ANKRD44: variants seen among roughly 807,000 people sequenced by gnomAD.
ANKRD44 encodes the protein serine/threonine-protein phosphatase 6 regulatory ankyrin repeat subunit B.
Under a neutral mutation model 116.0 loss-of-function variants are expected in ANKRD44, and 35 were observed. The observed-to-expected ratio is 0.30, with a 90% confidence interval of 0.23 to 0.40. ANKRD44 has a LOEUF of 0.40. ANKRD44 is among the 10% of genes least tolerant of loss of function. The pLI is 1.00. For synonymous variants in ANKRD44, 435 were observed against 461.8 expected (o/e 0.94, Z 0.74); for missense variants, 1,014 against 1,242.6 (o/e 0.82, Z 2.77).
At chr2:197,067,960 C>G (rs1259113762) in intron 16 of ANKRD44, among the ~76,000 whole-genome samples, 2 of 151,464 alleles carry the variant, frequency 1.3e-5, no homozygotes. Flanking sequence ...TGGAACCAAC[C>G]CAAATGTCCG....
intron 16 of ANKRD44, among the ~76,000 whole-genome samples, chr2:197,026,249 C>T (rs889053985): frequency 2.6e-5 from 4 of 152,192 alleles, no homozygotes; most frequent in African/African-American, 9.7e-5. Flanking sequence ...TATCAAAAAT[C>T]TGTTTTCCTA....
At chr2:197,051,923 T>G (rs1006803599) in intron 16 of ANKRD44, among the ~76,000 whole-genome samples, 2 of 152,168 alleles carry the variant, frequency 1.3e-5, no homozygotes, top group Non-Finnish European at 2.9e-5. Flanking sequence ...GTTCAAGATG[T>G]TAATAGTACC....
intron 17 of ANKRD44, among the ~76,000 whole-genome samples, chr2:197,014,532 A>T (rs1381698036): frequency 6.6e-6 from 1 of 152,124 alleles, no homozygotes; most frequent in East Asian, 1.9e-4. Flanking sequence ...TCACACCTAT[A>T]ATCCCAGCAC....
chr2:197,015,496 C>G, intron 17 of ANKRD44: 2 of 478,454 alleles, frequency 4.2e-6, no homozygotes, highest in Non-Finnish European at 7.7e-6. Context: ...CCATTCTATA[C>G]AAGAGATGCA....
At chr2:197,080,830 A>G (rs536888220) in intron 15 of ANKRD44, among the ~76,000 whole-genome samples, 9 of 152,336 alleles carry the variant, frequency 5.9e-5, no homozygotes, top group African/African-American at 2.2e-4. Context: ...AGAATAAATA[A>G]GTTAACAACG....
chr2:197,268,655 C>T (rs1234774978), intron 1 of ANKRD44, among the ~76,000 whole-genome samples: 1 of 152,106 alleles, frequency 6.6e-6, no homozygotes, highest in Non-Finnish European at 1.5e-5. Context: ...CAGCCGATAC[C>T]CAGGTGACTT....
intron 16 of ANKRD44, among the ~76,000 whole-genome samples, chr2:197,063,027 G>T (rs2077349815): frequency 6.6e-6 from 1 of 152,190 alleles, no homozygotes; most frequent in South Asian, 2.1e-4. Flanking sequence ...CTCCTCAAGT[G>T]GGTCCCTGAC....
intron 1 of ANKRD44, among the ~76,000 whole-genome samples, chr2:197,281,011 T>A (rs1173192200): frequency 6.6e-6 from 1 of 152,238 alleles, no homozygotes; most frequent in Non-Finnish European, 1.5e-5. Context: ...TATTAAAATC[T>A]TAAGCTCTGC....
chr2:197,270,823 G>A (rs978551296), intron 1 of ANKRD44, among the ~76,000 whole-genome samples: 17 of 152,200 alleles, frequency 1.1e-4, no homozygotes, highest in African/African-American at 4.1e-4. Flanking sequence ...AGGTGCAGAT[G>A]AGCAGACCAA....
intron 2 of ANKRD44, among the ~76,000 whole-genome samples, chr2:197,156,964 G>T (rs1476300211): frequency 6.6e-6 from 1 of 152,174 alleles, no homozygotes; most frequent in Admixed American, 6.5e-5. Context: ...GGGAGGGGTA[G>T]CAGGGAGGGA....
intron 2 of ANKRD44, among the ~76,000 whole-genome samples, chr2:197,147,389 G>T (rs375602927): frequency 2.0e-5 from 3 of 146,476 alleles, no homozygotes; most frequent in African/African-American, 7.7e-5. Flanking sequence ...CCTGGATGAT[G>T]AATTTCAACT....
At chr2:197,264,478 G>T (rs2564394) in intron 1 of ANKRD44, among the ~76,000 whole-genome samples, 32,563 of 152,214 alleles carry the variant, frequency 0.21, 3,664 homozygotes, top group Middle Eastern at 0.29. Flanking sequence ...GTTTTCAGCA[G>T]GCACTGTCAG....
rs533113760 is a variant in ANKRD44 at position 197,062,474 on chromosome 2, C to A, written c.1650+16229G>T. ...TTTATTCAGTTTATAAAATTGGATA[C>A]CCTACTTAGAAGGGACAGTGGGTGC... On this transcript the variant is annotated intron_variant, in intron 16 of 27. Coordinates refer to ENST00000282272, the MANE Select transcript of ANKRD44 (RefSeq NM_001195144.2). 4.6e-5 allele frequency among the ~76,000 whole-genome samples: 7 copies of A among 152,320 alleles called. No homozygotes were observed. The East Asian group carries it at 1.3e-3, about 29-fold the overall frequency.
intron 16 of ANKRD44, among the ~76,000 whole-genome samples, chr2:197,036,966 T>C (rs1175642091): frequency 3.9e-5 from 6 of 152,216 alleles, no homozygotes; most frequent in Non-Finnish European, 7.3e-5. Flanking sequence ...TGAATATTAT[T>C]TAGTGATTAA....
chr2:197,155,255 T>C (rs907110737), intron 2 of ANKRD44, among the ~76,000 whole-genome samples: 1 of 152,142 alleles, frequency 6.6e-6, no homozygotes, highest in African/African-American at 2.4e-5. Flanking sequence ...GAACCTGAGA[T>C]TTTGAGGTGA....
chr2:197,150,480 C>T (rs1029267391), intron 2 of ANKRD44, among the ~76,000 whole-genome samples: 1 of 151,874 alleles, frequency 6.6e-6, no homozygotes, highest in Non-Finnish European at 1.5e-5. Context: ...ACCCGGGAGG[C>T]GGAGCTTGCA....
At chr2:197,293,498 A>C (rs1368220232) in intron 1 of ANKRD44, among the ~76,000 whole-genome samples, 2 of 152,200 alleles carry the variant, frequency 1.3e-5, no homozygotes, top group South Asian at 2.1e-4. Flanking sequence ...ACATATCTGC[A>C]TTTACACACA....
At chr2:197,184,997 T>C (rs954212486) in intron 2 of ANKRD44, among the ~76,000 whole-genome samples, 8 of 152,156 alleles carry the variant, frequency 5.3e-5, no homozygotes, top group African/African-American at 1.9e-4. Context: ...ACTTTTTTGG[T>C]ATGTATGACA....
intron 1 of ANKRD44, among the ~76,000 whole-genome samples, chr2:197,279,256 C>T (rs550495608): frequency 6.6e-6 from 1 of 152,138 alleles, no homozygotes; most frequent in African/African-American, 2.4e-5. Context: ...TAATACAATA[C>T]CAGGGAGCCT....
Sources: gnomAD v4.1 joint callset for allele counts (sites outside exome capture counted in the v4.1 genomes callset) on GRCh38, gnomAD v4.1.1 for gene constraint, MANE v1.5 for transcripts, NCBI Gene and HGNC (gene_info 2026-07-23, HGNC 2026-07-21) for gene names.